Variants in CSMD1 observed in about 807,000 individuals in gnomAD.
CSMD1 encodes CUB and Sushi multiple domains 1.
Under a neutral mutation model 417.5 loss-of-function variants are expected in CSMD1, and 213 were observed. The observed-to-expected ratio is 0.51, with a 90% CI of 0.46 to 0.57. The LOEUF (loss-of-function observed/expected upper bound fraction) is 0.57, where lower values mean the gene tolerates loss of function less well. Among genes scored for constraint, CSMD1 ranks in the 20% least tolerant of loss-of-function variants. The pLI is 0.00. For synonymous variants in CSMD1, 2,862 were observed against 1,736.8 expected (o/e 1.65, Z -16.11); for missense variants, 6,923 against 4,529.7 (o/e 1.53, Z -15.17).
chr8:3,916,137 A>G (rs74727719), intron 5 of CSMD1, among the ~76,000 whole-genome samples: 5 of 151,784 alleles, frequency 3.3e-5, no homozygotes, highest in African/African-American at 1.2e-4. Context: ...AATTTCAGTG[A>G]AAAAAAATGC....
chr8:2,963,310 G>T lies in CSMD1; in HGVS notation c.9366C>A (p.Ser3122Arg). ...DFRWGSSISY[S>R]CMDGYQLSHS... Reference sequence around the variant, plus strand: ...GAGAGAGCTGGTAACCGTCCATGCAGCTGTAACTTATGCTGGAGCCCCAGC... The same window carrying T: ...GAGAGAGCTGGTAACCGTCCATGCATCTGTAACTTATGCTGGAGCCCCAGC... Residue 3122 changes from serine (S) to arginine (R), a missense_variant, in exon 60 of 70, where the codon AGC becomes AGA. Ser to Arg is a moderately radical substitution (Grantham distance 110). Transcript: ENST00000635120. The T allele has an allele frequency of 6.2e-7, 1 of 1,613,962 alleles. No individual in the cohort carries two copies. The highest frequency in any genetic ancestry group is 8.5e-7 in the Non-Finnish European group (1 of 1,179,882).
intron 3 of CSMD1, among the ~76,000 whole-genome samples, chr8:4,213,447 AG>A (rs1800445554): frequency 6.6e-6 from 1 of 152,222 alleles, no homozygotes; most frequent in African/African-American, 2.4e-5. Context: ...ATGTGAGAAC[AG>A]GAACAGTTGC....
At position 4,760,083 on chromosome 8, in the gene CSMD1, G is replaced by T. The variant is rs1044833655; in HGVS notation, c.86-122525C>A. ...ACCTCTCCAGCACCTGTTGTTTCTAGACTTTTTAATAAGCATCATTCTGAC... is the reference window on the plus strand; with the variant it reads ...ACCTCTCCAGCACCTGTTGTTTCTATACTTTTTAATAAGCATCATTCTGAC... On this transcript the variant is annotated intron_variant, in intron 1 of 69. Coordinates refer to ENST00000635120, the MANE Select transcript of CSMD1 (RefSeq NM_033225.6). 3.9e-5 allele frequency among the ~76,000 whole-genome samples: 6 copies of T among 152,100 alleles called. No homozygotes were observed. In the East Asian group the frequency reaches 9.6e-4, roughly 24 times the overall value.
intron 2 of CSMD1, among the ~76,000 whole-genome samples, chr8:4,628,848 T>C (rs1483456072): frequency 6.6e-6 from 1 of 152,148 alleles, no homozygotes; most frequent in East Asian, 1.9e-4. Flanking sequence ...CACCATCATC[T>C]AGAAATTCGT....
chr8:4,089,191 G>A (rs1045141704), intron 3 of CSMD1, among the ~76,000 whole-genome samples: 1 of 152,108 alleles, frequency 6.6e-6, no homozygotes, highest in African/African-American at 2.4e-5. Context: ...AATCTGTTTG[G>A]CTGCCTGCCT....
intron 8 of CSMD1, among the ~76,000 whole-genome samples, chr8:3,595,868 G>C (rs899038220): frequency 1.3e-5 from 2 of 152,222 alleles, no homozygotes; most frequent in Non-Finnish European, 2.9e-5. Flanking sequence ...GAACGTGGAA[G>C]AGGGTTTGGA....
At chr8:3,482,077 A>G (rs1817779612) in intron 11 of CSMD1, among the ~76,000 whole-genome samples, 1 of 152,246 alleles carries the variant, frequency 6.6e-6, no homozygotes, top group Non-Finnish European at 1.5e-5. Context: ...ATAAAATTAA[A>G]AAACAAAACT....
intron 1 of CSMD1, among the ~76,000 whole-genome samples, chr8:4,753,694 T>G (rs1811490121): frequency 6.6e-6 from 1 of 152,156 alleles, no homozygotes; most frequent in Non-Finnish European, 1.5e-5. Flanking sequence ...CTTCTGACCT[T>G]CTGCTCCTTT....
rs377127267 is a variant in CSMD1 at position 3,882,176 on chromosome 8, G to A, written c.818+115727C>T. On this transcript the variant is annotated intron_variant, in intron 5 of 69. Transcript: ENST00000635120. Reference sequence around the variant, plus strand: ...CCAAGATTTGTGTACAGAATATACAGACATCTTACAAATCAACAAGAAAGA... The same window carrying A: ...CCAAGATTTGTGTACAGAATATACAAACATCTTACAAATCAACAAGAAAGA... Among the ~76,000 whole-genome samples, 4 of 151,664 alleles carry A rather than the reference G, an allele frequency of 2.6e-5. No individual in the cohort carries two copies. The East Asian group carries it at 5.8e-4, about 22-fold the overall frequency.
intron 8 of CSMD1, among the ~76,000 whole-genome samples, chr8:3,587,987 T>C (rs995990321): frequency 6.6e-6 from 1 of 152,182 alleles, no homozygotes; most frequent in Non-Finnish European, 1.5e-5. Flanking sequence ...TTGCTAGCCA[T>C]CACAGTTATT....
At chr8:3,490,829 G>A (rs1311577348) in intron 11 of CSMD1, among the ~76,000 whole-genome samples, 2 of 151,872 alleles carry the variant, frequency 1.3e-5, no homozygotes, top group African/African-American at 4.8e-5. Flanking sequence ...ATAGATATCT[G>A]GGCCCTCAGA....
At chr8:4,218,431 T>C (rs189590168) in intron 3 of CSMD1, among the ~76,000 whole-genome samples, 50 of 152,330 alleles carry the variant, frequency 3.3e-4, no homozygotes, top group South Asian at 1.7e-3. Flanking sequence ...ATATACCTAC[T>C]TTTATTCTGC....
intron 68 of CSMD1, among the ~76,000 whole-genome samples, chr8:2,946,161 A>T (rs1802218728): frequency 6.6e-6 from 1 of 152,158 alleles, no homozygotes; most frequent in Admixed American, 6.5e-5. Flanking sequence ...GGAATTTGTC[A>T]GCTTCTTTAT....
intron 3 of CSMD1, among the ~76,000 whole-genome samples, chr8:4,309,069 T>C (rs1318062256): frequency 5.9e-5 from 9 of 152,202 alleles, no homozygotes; most frequent in Non-Finnish European, 1.5e-5. Context: ...TTTATTATTT[T>C]TTATGTTAGG....
intron 10 of CSMD1, among the ~76,000 whole-genome samples, chr8:3,555,299 C>G (rs1039164583): frequency 8.6e-5 from 13 of 152,034 alleles, no homozygotes; most frequent in African/African-American, 2.9e-4. Flanking sequence ...TATTTCAATA[C>G]TGAGGCTCAC....
intron 2 of CSMD1, among the ~76,000 whole-genome samples, chr8:4,605,568 A>G (rs1354548333): frequency 6.6e-6 from 1 of 152,228 alleles, no homozygotes; most frequent in African/African-American, 2.4e-5. Context: ...TCTTTTCTCT[A>G]AAGACTTTGG....
In CSMD1 at chr8:4,613,108, C is replaced by G. The variant is rs1280266086; in HGVS notation, c.302+24234G>C. Among the ~76,000 whole-genome samples the G allele has an allele frequency of 3.9e-5, 6 of 152,288 alleles. No individual in the cohort carries two copies. The East Asian group carries it at 1.2e-3, about 29-fold the overall frequency. On this transcript the variant is annotated intron_variant, in intron 2 of 69. Coordinates refer to ENST00000635120, the MANE Select transcript of CSMD1 (RefSeq NM_033225.6). ...GGCTTGTCTTATAGCTGAATGCACA[C>G]ACACACAGGTACACAATTCTAAACA...
At chr8:3,679,375 G>C (rs1321182692) in intron 7 of CSMD1, among the ~76,000 whole-genome samples, 2 of 151,972 alleles carry the variant, frequency 1.3e-5, no homozygotes, top group Non-Finnish European at 2.9e-5. Flanking sequence ...AAAAGGCAGG[G>C]GTTGCAATCC....
intron 7 of CSMD1, among the ~76,000 whole-genome samples, chr8:3,656,900 G>A (rs972939642): frequency 6.6e-6 from 1 of 150,820 alleles, no homozygotes; most frequent in Admixed American, 6.6e-5. Context: ...ACTCCAGCCT[G>A]GGCAACAGAG....
Sources: allele counts gnomAD v4.1 joint callset (sites outside exome capture counted in the v4.1 genomes callset), GRCh38; gene constraint gnomAD v4.1.1; transcripts MANE v1.5; gene names NCBI Gene and HGNC (gene_info 2026-07-23, HGNC 2026-07-21).